The following NAPEPLD variants were observed in gnomAD, a reference collection of about 807,000 sequenced individuals.
The protein encoded by NAPEPLD is N-acyl-phosphatidylethanolamine-hydrolyzing phospholipase D.
Under a neutral mutation model 38.1 loss-of-function variants are expected in NAPEPLD, and 23 were observed. The observed-to-expected ratio is 0.60, with a 90% CI of 0.43 to 0.86. The LOEUF (loss-of-function observed/expected upper bound fraction) is 0.86, where lower values mean the gene tolerates loss of function less well. Among genes scored for constraint, NAPEPLD ranks in the 40% least tolerant of loss-of-function variants. The probability of loss-of-function intolerance (pLI) is 0.00; values close to 1 mark genes in which losing one functional copy is unlikely to be tolerated. For synonymous variants in NAPEPLD, 147 were observed against 162.0 expected (o/e 0.91, Z 0.71); for missense variants, 411 against 476.8 (o/e 0.86, Z 1.28).
intron 2 of NAPEPLD, among the ~76,000 whole-genome samples, chr7:103,123,800 T>C (rs1466622128): frequency 1.3e-5 from 2 of 152,122 alleles, no homozygotes; most frequent in African/African-American, 4.8e-5. Flanking sequence ...TTTACTAACA[T>C]GTTTTCGTAA....
Position 103,115,176 on chromosome 7 carries a change from T to C in NAPEPLD, c.942-2A>G. Reference sequence around the variant, plus strand: ...ACATGCTGGTATTTCATAAACCACCTGAAGAAACATGGCAATTTCTTAATT... The same window carrying C: ...ACATGCTGGTATTTCATAAACCACCCGAAGAAACATGGCAATTTCTTAATT... On this transcript the variant is annotated splice_acceptor_variant, in intron 3 of 4. Coordinates refer to ENST00000465647, the MANE Select transcript of NAPEPLD (RefSeq NM_001122838.3). LOFTEE classifies it high-confidence loss of function. The C allele has an allele frequency of 6.2e-7, 1 of 1,600,072 alleles. No individual in the cohort carries two copies. Among genetic ancestry groups the C allele is most frequent in the Non-Finnish European group, 8.5e-7 (1 of 1,170,254 alleles).
intron 4 of NAPEPLD, among the ~76,000 whole-genome samples, chr7:103,114,422 T>C (rs957038704): frequency 2.0e-5 from 3 of 152,166 alleles, no homozygotes; most frequent in Non-Finnish European, 2.9e-5. Flanking sequence ...TTACTGAATA[T>C]ATTTCTAGAA....
At chr7:103,142,999 A>G (rs1811755176) in intron 1 of NAPEPLD, among the ~76,000 whole-genome samples, 1 of 152,064 alleles carries the variant, frequency 6.6e-6, no homozygotes, top group Non-Finnish European at 1.5e-5. Context: ...CAAGGCAGGC[A>G]GATCACTTGA....
At chr7:103,113,228 C>A (rs1397943578) in intron 4 of NAPEPLD, among the ~76,000 whole-genome samples, 1 of 152,234 alleles carries the variant, frequency 6.6e-6, no homozygotes, top group Non-Finnish European at 1.5e-5. Context: ...AAACTTCTCC[C>A]TTCTCCAAAT....
chr7:103,138,069 C>T (rs1385415555), intron 1 of NAPEPLD, among the ~76,000 whole-genome samples: 1 of 151,592 alleles, frequency 6.6e-6, no homozygotes, highest in African/African-American at 2.4e-5. Context: ...CCTCCATCTC[C>T]CAGGTTCAAC....
intron 2 of NAPEPLD, among the ~76,000 whole-genome samples, chr7:103,120,981 G>T (rs931372031): frequency 6.6e-6 from 1 of 152,004 alleles, no homozygotes; most frequent in Non-Finnish European, 1.5e-5. Flanking sequence ...CAAAGTGCTG[G>T]TATTATAGGC....
intron 4 of NAPEPLD, among the ~76,000 whole-genome samples, chr7:103,107,637 A>AAG (rs1446312578): frequency 6.6e-6 from 1 of 152,024 alleles, no homozygotes; most frequent in Non-Finnish European, 1.5e-5. Flanking sequence ...GATCAAGCAG[A>AAG]AGAAAGGATA....
Position 103,120,014 on chromosome 7 carries a change from G to A in NAPEPLD, c.504C>T (p.Ser168=), listed in dbSNP as rs145880545. The change falls in exon 3 of 5, where the codon TCC becomes TCT. Residue 168 remains serine, a synonymous_variant. Transcript: ENST00000465647. Reference sequence around the variant, plus strand: ...GAGGGAGTTCACTTATTGTGCACGGGGAACGACGAAATCGCTTTGGACCCA... The same window carrying A: ...GAGGGAGTTCACTTATTGTGCACGGAGAACGACGAAATCGCTTTGGACCCA... ...QYMGPKRFRR[S]PCTISELPPI... The A allele has an allele frequency of 1.9e-6, 3 of 1,614,052 alleles. No homozygotes were observed. The highest frequency in any genetic ancestry group is 2.2e-5 in the East Asian group (1 of 44,894).
At chr7:103,137,845 AAAAG>A (rs1261382176) in intron 1 of NAPEPLD, among the ~76,000 whole-genome samples, 11 of 151,548 alleles carry the variant, frequency 7.3e-5, no homozygotes, top group African/African-American at 1.9e-4. Flanking sequence ...AAGAAAAAGA[AAAAG>A]AAAGAAAGAA....
rs1215385377 is a variant in NAPEPLD, at chr7:103,099,838, AT to A, written c.*3590del. 1 of 152,138 alleles carries A rather than the reference AT, an allele frequency of 6.6e-6. No individual in the cohort carries two copies. Among genetic ancestry groups the A allele is most frequent in the East Asian group, 1.9e-4 (1 of 5,204 alleles). 9.4% of individuals were successfully genotyped at this position (152,138 alleles called of 1,614,324 possible). ...CATATTTTACTTGACTAAAAATACA[AT>A]GTATGAAAATTTATCTTTAATAGCA... is the stretch of plus-strand genomic sequence containing the variant. On this transcript the variant is annotated 3_prime_UTR_variant, in exon 5 of 5. Coordinates refer to ENST00000465647, the MANE Select transcript of NAPEPLD (RefSeq NM_001122838.3).
At chr7:103,147,569 C>T (rs1422313306) in intron 1 of NAPEPLD, among the ~76,000 whole-genome samples, 2 of 152,206 alleles carry the variant, frequency 1.3e-5, no homozygotes, top group African/African-American at 2.4e-5. Flanking sequence ...TCTCAGTTTA[C>T]CAAACTCACA....
chr7:103,125,608 C>A (rs1486098657), intron 2 of NAPEPLD, among the ~76,000 whole-genome samples: 1 of 152,158 alleles, frequency 6.6e-6, no homozygotes, highest in African/African-American at 2.4e-5. Context: ...TAGGGCCAGG[C>A]ACAGTGGCTC....
intron 2 of NAPEPLD, among the ~76,000 whole-genome samples, chr7:103,122,213 GAGCC>G (rs1806855889): frequency 6.6e-6 from 1 of 151,700 alleles, no homozygotes; most frequent in African/African-American, 2.4e-5. Context: ...TTACAGGTGT[GAGCC>G]ACCACGCCAG....
intron 2 of NAPEPLD, among the ~76,000 whole-genome samples, chr7:103,125,489 T>C (rs17136046): frequency 0.054 from 8,166 of 152,270 alleles, 300 homozygotes; most frequent in South Asian, 0.13. Context: ...TTATGAATGG[T>C]TGCAATCAGA....
intron 3 of NAPEPLD, among the ~76,000 whole-genome samples, chr7:103,118,953 A>C (rs1337869782): frequency 1.3e-5 from 2 of 152,224 alleles, no homozygotes; most frequent in African/African-American, 2.4e-5. Context: ...TAAAACCCTC[A>C]CCAGGGACTA....
chr7:103,110,087 A>G (rs1804207637), intron 4 of NAPEPLD, among the ~76,000 whole-genome samples: 2 of 152,212 alleles, frequency 1.3e-5, no homozygotes, highest in Non-Finnish European at 2.9e-5. Flanking sequence ...ATAGCCTACC[A>G]ACCAAAAAAA....
At chr7:103,109,383 A>G (rs1804055335) in intron 4 of NAPEPLD, among the ~76,000 whole-genome samples, 1 of 152,192 alleles carries the variant, frequency 6.6e-6, no homozygotes, top group East Asian at 1.9e-4. Context: ...AAATCATAAC[A>G]GTCTCTCAGA....
intron 1 of NAPEPLD, chr7:103,141,588 G>A (rs530197716): frequency 1.0e-5 from 10 of 992,760 alleles, no homozygotes; most frequent in East Asian, 9.5e-5. Context: ...TGATACATGC[G>A]GCGATCAATC....
rs560506433 is a variant in NAPEPLD at position 103,140,453 on chromosome 7, C to T, written c.-17+8358G>A. 3.2e-3 allele frequency among the ~76,000 whole-genome samples: 401 copies of T among 124,692 alleles called. 4 individuals are homozygous for T. Among genetic ancestry groups the T allele is most frequent in the African/African-American group, 0.011 (374 of 33,106 alleles). 81.8% of individuals were successfully genotyped at this position (124,692 alleles called of 152,430 possible). On this transcript the variant is annotated intron_variant, in intron 1 of 4. Coordinates refer to ENST00000465647, the MANE Select transcript of NAPEPLD (RefSeq NM_001122838.3). ...AGTCGCCCAGGCTGGAGTGCAGTGG[C>T]GTGATCTCGGCTCACTGCAAGCTCC...
Sources: allele counts gnomAD v4.1 joint callset (sites outside exome capture counted in the v4.1 genomes callset), GRCh38; gene constraint gnomAD v4.1.1; transcripts MANE v1.5; gene names NCBI Gene and HGNC (gene_info 2026-07-23, HGNC 2026-07-21).